The following MON1A variants were observed in gnomAD, a reference collection of about 807,000 sequenced individuals.
MON1A encodes MON1 vesicular trafficking associated A.
MON1A carries 29 observed loss-of-function variants against 44.6 expected under a neutral mutation model. The ratio of observed to expected loss-of-function variants is 0.65; its 90% confidence interval spans 0.48 to 0.89. The LOEUF (loss-of-function observed/expected upper bound fraction) is 0.89. MON1A is among the 40% of genes least tolerant of loss of function. The probability of loss-of-function intolerance (pLI) is 0.00; values close to 1 mark genes in which losing one functional copy is unlikely to be tolerated. For synonymous variants in MON1A, 275 were observed against 316.4 expected, an observed-to-expected ratio of 0.87 and a Z score of 1.39; for missense variants, 615 against 759.6, an observed-to-expected ratio of 0.81 and a Z score of 2.24.
At chr3:49,914,487 C>T (rs1249001468) in intron 1 of MON1A, among the ~76,000 whole-genome samples, 1 of 152,004 alleles carries the variant, frequency 6.6e-6, no homozygotes, top group African/African-American at 2.4e-5. Context: ...CATCCTCCCA[C>T]CTCAGCCTCC....
chr3:49,910,399 C>A lies in MON1A; in HGVS notation c.1099G>T (p.Val367Leu), dbSNP rs1167854297. The change falls in exon 4 of 6, where the codon GTG becomes TTG. Residue 367 changes from valine to leucine, a missense_variant. Coordinates refer to ENST00000296473, the MANE Select transcript of MON1A (RefSeq NM_032355.4). The surrounding 1 kb of genome is among the most constrained non-coding windows in gnomAD (Gnocchi z 8.0). The stretch of plus-strand genomic sequence containing the variant: ...GCTGCGTTGAATTTGGGCAGGCACA[C>A]GGGCGTCCAGGCCTCGCCCTCGCGA... ...SFREGEAWTP[V>L]CLPKFNAAGF... 1.2e-6 allele frequency: 2 copies of A among 1,614,068 alleles called. No homozygotes were observed. The highest frequency in any genetic ancestry group is 2.7e-5 in the African/African-American group (2 of 74,934).
chr3:49,923,526 G>A (rs980611131), intron 1 of MON1A, among the ~76,000 whole-genome samples: 1 of 147,672 alleles, frequency 6.8e-6, no homozygotes, highest in Non-Finnish European at 1.5e-5. Flanking sequence ...GTGCAACAGC[G>A]CAATCTCAGC....
rs2082870892 is a variant in MON1A, at chr3:49,910,935, C to T, written c.614-51G>A. 2 of 1,526,848 alleles carry T rather than the reference C, an allele frequency of 1.3e-6. No homozygotes were observed. Among genetic ancestry groups the T allele is most frequent in the Non-Finnish European group, 1.8e-6 (2 of 1,132,164 alleles). 94.6% of individuals were successfully genotyped at this position (1,526,848 alleles called of 1,614,324 possible). On this transcript the variant is annotated intron_variant, in intron 3 of 5. Transcript: ENST00000296473. This position sits in a 1 kb window ranked among gnomAD's most constrained non-coding sequence, Gnocchi z 8.0. ...TGTCAGCCTCAGCGGCAGCTCCCTCCGAAAACCGCCTTCCAGCGCAGCTCT... is the reference window on the plus strand; with the variant it reads ...TGTCAGCCTCAGCGGCAGCTCCCTCTGAAAACCGCCTTCCAGCGCAGCTCT...
chr3:49,913,016 G>A (rs2082904674), intron 2 of MON1A: 2 of 723,714 alleles, frequency 2.8e-6, no homozygotes, highest in African/African-American at 3.5e-5. Context: ...AAAGCTCAGG[G>A]CGAGCAGCAT....
chr3:49,929,588 G>T (rs751039250), intron 1 of MON1A, 21 bp downstream of exon 1: 153 of 1,551,236 alleles, frequency 9.9e-5, no homozygotes, highest in Non-Finnish European at 1.3e-4. Context: ...TCCAGGCCAC[G>T]TGGGCTGGCA....
In MON1A at chr3:49,910,263, C is replaced by A; in HGVS notation, c.1235G>T (p.Arg412Leu). The change falls in exon 4 of 6, where the codon CGC (arginine) becomes CTC (leucine). Residue 412 changes from arginine (R) to leucine (L), a missense_variant. Coordinates refer to ENST00000296473, the MANE Select transcript of MON1A (RefSeq NM_032355.4). The surrounding 1 kb of genome is among the most constrained non-coding windows in gnomAD (Gnocchi z 8.0). The stretch of plus-strand genomic sequence containing the variant: ...GCGCTTGCGAAGGCGCTCCTGGAAG[C>A]GGCGGCGGCAGTCAGAGACTGCAAA... ...DFFAVSDCRR[R>L]FQERLRKRGA... 2 of 1,614,024 alleles carry A rather than the reference C, an allele frequency of 1.2e-6. No homozygotes were observed. Among genetic ancestry groups the A allele is most frequent in the Middle Eastern group, 1.6e-4 (1 of 6,062 alleles).
At chr3:49,913,454 G>T in intron 1 of MON1A, 95 bp from the exon 2 acceptor site, 1 of 1,199,724 alleles carries the variant, frequency 8.3e-7, no homozygotes, top group Middle Eastern at 2.0e-4. Flanking sequence ...CCTTTATCAG[G>T]ACTCCACTAA....
Position 49,910,641 on chromosome 3 carries a change from G to A in MON1A, c.857C>T (p.Pro286Leu), listed in dbSNP as rs747311837. The change falls in exon 4 of 6, where the codon CCC (proline) becomes CTC (leucine). Residue 286 changes from proline to leucine, a missense_variant. Transcript: ENST00000296473. The surrounding 1 kb of genome is among the most constrained non-coding windows in gnomAD (Gnocchi z 8.0). ...DNLLQLMARD[P>L]SFLMGAARCL... ...CCGTGCCGCCCCCATCAGGAAGCTGGGGTCTCGTGCCATGAGCTGCAGCAG... is the reference window on the plus strand; with the variant it reads ...CCGTGCCGCCCCCATCAGGAAGCTGAGGTCTCGTGCCATGAGCTGCAGCAG... 1 of 1,603,828 alleles carries A rather than the reference G, an allele frequency of 6.2e-7. No homozygotes were observed. The highest frequency in any genetic ancestry group is 8.5e-7 in the Non-Finnish European group (1 of 1,173,788).
chr3:49,909,516 A>C lies in MON1A; in HGVS notation c.1380-116T>G, dbSNP rs943258984. 9 of 1,401,720 alleles carry C rather than the reference A, an allele frequency of 6.4e-6. No individual in the cohort carries two copies. The highest frequency in any genetic ancestry group is 2.0e-5 in the Admixed American group (1 of 49,426). The allele number at this position is 1,401,720 out of a possible 1,614,324, so 86.8% of individuals were successfully genotyped here. ...GACTCTATCTTATGTCCTACCCTCC[A>C]GGTGCTCCCTTAGGACAGGGCATTG... On this transcript the variant is annotated intron_variant, in intron 4 of 5. Transcript: ENST00000296473. This position sits in a 1 kb window ranked among gnomAD's most constrained non-coding sequence, Gnocchi z 4.0.
chr3:49,923,235 G>A (rs573955582), intron 1 of MON1A, among the ~76,000 whole-genome samples: 7 of 150,638 alleles, frequency 4.6e-5, no homozygotes, highest in Admixed American at 2.6e-4. Flanking sequence ...CAGCTACCCC[G>A]GGAGGCTGAG....
intron 1 of MON1A, among the ~76,000 whole-genome samples, chr3:49,927,235 C>G (rs558687603): frequency 6.6e-6 from 1 of 152,292 alleles, no homozygotes; most frequent in African/African-American, 2.4e-5. Flanking sequence ...CTCAGGTGTT[C>G]AGGAACAATG....
chr3:49,929,335 C>T, intron 1 of MON1A: 1 of 482,660 alleles, frequency 2.1e-6, no homozygotes, highest in Non-Finnish European at 3.6e-6. Context: ...CGTTTGTTGG[C>T]GGGGCGGGGG....
intron 2 of MON1A, chr3:49,912,816 G>A: frequency 2.9e-6 from 1 of 340,758 alleles, no homozygotes; most frequent in South Asian, 2.4e-5. Context: ...TAACTGCTCT[G>A]CGCTCAAAGT....
chr3:49,925,644 T>A (rs1189813605), intron 1 of MON1A, among the ~76,000 whole-genome samples: 1 of 151,926 alleles, frequency 6.6e-6, no homozygotes, highest in Non-Finnish European at 1.5e-5. Context: ...GAGGCTGAGG[T>A]GGGAGGATCG....
chr3:49,923,935 A>C (rs2083026699), intron 1 of MON1A: 1 of 151,798 alleles, frequency 6.6e-6, no homozygotes, highest in South Asian at 2.1e-4. Context: ...ACAAAAAATT[A>C]GCCGGGCATG....
At position 49,910,108 on chromosome 3, in the gene MON1A, C is replaced by T; in HGVS notation, c.1379+11G>A. The T allele has an allele frequency of 1.3e-6, 2 of 1,573,510 alleles. No individual in the cohort carries two copies. The highest frequency in any genetic ancestry group is 1.2e-5 in the South Asian group (1 of 85,546). On this transcript the variant is annotated intron_variant, in intron 4 of 5. Transcript: ENST00000296473. The surrounding 1 kb of genome is among the most constrained non-coding windows in gnomAD (Gnocchi z 8.0). Reference sequence around the variant, plus strand: ...TCCCGCTACAGCAGTGCCCTCAAGGCCCTCCCTCACCTGGTGAAGAGTCCC... The same window carrying T: ...TCCCGCTACAGCAGTGCCCTCAAGGTCCTCCCTCACCTGGTGAAGAGTCCC...
At position 49,913,362 on chromosome 3, in the gene MON1A, G is replaced by A. The variant is rs773089727; in HGVS notation, c.-13-3C>T. 4 of 1,604,222 alleles carry A rather than the reference G, an allele frequency of 2.5e-6. No individual in the cohort carries two copies. The South Asian group carries it at 3.3e-5, about 13-fold the overall frequency. On this transcript the variant is annotated splice_region_variant and splice_polypyrimidine_tract_variant and intron_variant, in intron 1 of 5. Transcript: ENST00000296473. ...CAGTAGCCATCCTTTGAGCTCTCCT[G>A]TGGGGCAAACAAATGCAACATCGAT...
chr3:49,923,085 T>C (rs1180456973), intron 1 of MON1A, among the ~76,000 whole-genome samples: 2 of 150,784 alleles, frequency 1.3e-5, no homozygotes, highest in Non-Finnish European at 3.0e-5. Flanking sequence ...TCACACTTTG[T>C]AATCCCAGCA....
rs2082850326 is a variant in MON1A at position 49,909,529 on chromosome 3, G to A, written c.1380-129C>T. 6 of 1,279,428 alleles carry A rather than the reference G, an allele frequency of 4.7e-6. No individual in the cohort carries two copies. The highest frequency in any genetic ancestry group is 6.4e-6 in the Non-Finnish European group (6 of 931,846). The allele number at this position is 1,279,428 out of a possible 1,614,324, so 79.3% of individuals were successfully genotyped here. ...GTCCTACCCTCCAGGTGCTCCCTTA[G>A]GACAGGGCATTGTCTCCCCACCATA... On this transcript the variant is annotated intron_variant, in intron 4 of 5. Coordinates refer to ENST00000296473, the MANE Select transcript of MON1A (RefSeq NM_032355.4). The surrounding 1 kb of genome is among the most constrained non-coding windows in gnomAD (Gnocchi z 4.0).
Sources: allele counts gnomAD v4.1 joint callset (sites outside exome capture counted in the v4.1 genomes callset), GRCh38; gene constraint gnomAD v4.1.1; non-coding constraint Gnocchi (gnomAD v3.1); transcripts MANE v1.5; gene names NCBI Gene and HGNC (gene_info 2026-07-23, HGNC 2026-07-21).